Variants in DGKD observed in about 807,000 individuals in gnomAD.
The protein encoded by DGKD is DAG kinase delta.
A neutral mutation model predicts 154.4 loss-of-function variants in DGKD; 68 were observed. The observed-to-expected ratio is 0.44, with a 90% CI of 0.36 to 0.54. The LOEUF (loss-of-function observed/expected upper bound fraction) is 0.54, where lower values mean the gene tolerates loss of function less well. Among genes scored for constraint, DGKD ranks in the 20% least tolerant of loss-of-function variants. The probability of loss-of-function intolerance (pLI) is 0.00; values close to 1 mark genes in which losing one functional copy is unlikely to be tolerated. For missense variants in DGKD, 1,343 were observed against 1,593.6 expected (o/e 0.84, Z 2.68); for synonymous variants, 693 against 638.0 (o/e 1.09, Z -1.30).
At chr2:233,444,485 C>T (rs965332175) in intron 10 of DGKD, among the ~76,000 whole-genome samples, 1 of 151,662 alleles carries the variant, frequency 6.6e-6, no homozygotes, top group Admixed American at 6.6e-5. Context: ...CCTCGCTGTC[C>T]TCCTCTTCAC....
chr2:233,426,305 G>A (rs916782154), intron 3 of DGKD, among the ~76,000 whole-genome samples: 1 of 152,028 alleles, frequency 6.6e-6, no homozygotes, highest in Non-Finnish European at 1.5e-5. Context: ...TTTCTTTTGA[G>A]TTATGTGGTT....
Position 233,447,573 on chromosome 2 carries a change from G to A in DGKD, c.1420-514G>A, listed in dbSNP as rs1444493430. 2.0e-5 allele frequency: 20 copies of A among 985,538 alleles called. No homozygotes were observed. The Admixed American group carries it at 2.5e-4, about 12-fold the overall frequency. 61.0% of individuals were successfully genotyped at this position (985,538 alleles called of 1,614,324 possible). A position where few individuals can be genotyped will look rare whatever the true frequency, so the allele number is the denominator to read the frequency against. On this transcript the variant is annotated intron_variant, in intron 12 of 29. Transcript: ENST00000264057. ...TGTGTGGGGGAAGCCCAGAATATTC[G>A]CTGTCTGGCCAGTAGTGAAGTTTGC...
rs376907275 is a variant in DGKD, at chr2:233,457,360, G to T, written c.2580+32G>T. 6 of 1,486,720 alleles carry T rather than the reference G, an allele frequency of 4.0e-6. No homozygotes were observed. The African/African-American group carries it at 6.9e-5, about 17-fold the overall frequency. The allele number at this position is 1,486,720 out of a possible 1,614,324, so 92.1% of individuals were successfully genotyped here. ...ATGGGGTGTGAGCGGGTGGGCCTGA[G>T]CTCAGTGGGGAAGAGCTGTCTGAGA... On this transcript the variant is annotated intron_variant, in intron 21 of 29. Transcript: ENST00000264057. The surrounding 1 kb of genome is among the most constrained non-coding windows in gnomAD (Gnocchi z 5.5).
At chr2:233,397,561 CACCAGAGGGG>C (rs2061448650) in intron 3 of DGKD, among the ~76,000 whole-genome samples, 1 of 147,460 alleles carries the variant, frequency 6.8e-6, no homozygotes, top group Non-Finnish European at 1.5e-5. Context: ...AGTGAGAGGA[CACCAGAGGGG>C]ACCAGAGTGG....
intron 1 of DGKD, among the ~76,000 whole-genome samples, chr2:233,359,562 TC>T (rs1470942364): frequency 1.3e-5 from 2 of 151,748 alleles, no homozygotes; most frequent in Non-Finnish European, 2.9e-5. Flanking sequence ...CTCAGGCTGG[TC>T]TGAGTCTCCA....
chr2:233,436,782 G>T (rs1455790973), intron 7 of DGKD, among the ~76,000 whole-genome samples: 3 of 152,258 alleles, frequency 2.0e-5, no homozygotes, highest in Non-Finnish European at 4.4e-5. Flanking sequence ...GAAAGCTGTA[G>T]AGGCCATTTG....
At position 233,449,512 on chromosome 2, in the gene DGKD, C is replaced by T; in HGVS notation, c.1888+136C>T. ...GCGGCCCTCTCCACCCATGTCCAGG[C>T]ACCAGACCCCCAACGAGTTCGCTTG... On this transcript the variant is annotated intron_variant, in intron 15 of 29. Coordinates refer to ENST00000264057, the MANE Select transcript of DGKD (RefSeq NM_152879.3). The surrounding 1 kb of genome is among the most constrained non-coding windows in gnomAD (Gnocchi z 5.3). 8.0e-7 allele frequency: 1 copy of T among 1,253,430 alleles called. No individual in the cohort carries two copies. Among genetic ancestry groups the T allele is most frequent in the Non-Finnish European group, 1.1e-6 (1 of 929,828 alleles). 77.6% of individuals were successfully genotyped at this position (1,253,430 alleles called of 1,614,324 possible).
At chr2:233,451,570 C>CT (rs201064758) in intron 17 of DGKD, among the ~76,000 whole-genome samples, 2,109 of 141,662 alleles carry the variant, frequency 0.015, 37 homozygotes, top group East Asian at 0.056. Flanking sequence ...CTCTATAAGC[C>CT]TTTTTTTTTT....
Position 233,441,423 on chromosome 2 carries a change from A to C in DGKD, c.1086-464A>C, listed in dbSNP as rs1044310118. ...TGGCCCAGGGCCGGGGAGTGCCAAG[A>C]CTGAGGGTGCAGGGTGATGCAGGCA... On this transcript the variant is annotated intron_variant, in intron 9 of 29. Coordinates refer to ENST00000264057, the MANE Select transcript of DGKD (RefSeq NM_152879.3). The surrounding 1 kb of genome is among the most constrained non-coding windows in gnomAD (Gnocchi z 5.6). Among the ~76,000 whole-genome samples the C allele has an allele frequency of 6.6e-6, 1 of 152,088 alleles. No individual in the cohort carries two copies. The highest frequency in any genetic ancestry group is 2.4e-5 in the African/African-American group (1 of 41,420).
At chr2:233,451,876 T>C (rs2063306354) in intron 17 of DGKD, 88 bp from the exon 18 acceptor site, 6 of 1,088,560 alleles carry the variant, frequency 5.5e-6, no homozygotes, top group South Asian at 4.0e-5. Flanking sequence ...TTCTGCAGAA[T>C]ACCGGTCCAC....
chr2:233,438,648 T>G lies in DGKD; in HGVS notation c.1085+269T>G, dbSNP rs920128744. Among the ~76,000 whole-genome samples the G allele has an allele frequency of 6.6e-6, 1 of 152,216 alleles. No homozygotes were observed. The highest frequency in any genetic ancestry group is 1.5e-5 in the Non-Finnish European group (1 of 68,028). ...CGTGCATCTTTTGAGCCAATCAGGA[T>G]TCTTCTTTACCTGCCGTTGCACAAA... On this transcript the variant is annotated intron_variant, in intron 9 of 29. Coordinates refer to ENST00000264057, the MANE Select transcript of DGKD (RefSeq NM_152879.3). The surrounding 1 kb of genome is among the most constrained non-coding windows in gnomAD (Gnocchi z 4.1).
At chr2:233,385,698 C>T (rs1424874759) in intron 1 of DGKD, among the ~76,000 whole-genome samples, 3 of 152,194 alleles carry the variant, frequency 2.0e-5, no homozygotes, top group East Asian at 3.9e-4. Flanking sequence ...GTGCAAAATA[C>T]AGCACATTAT....
chr2:233,405,501 A>G (rs552546440), intron 3 of DGKD, among the ~76,000 whole-genome samples: 29 of 152,000 alleles, frequency 1.9e-4, no homozygotes, highest in South Asian at 6.2e-4. Flanking sequence ...CTGGGCAACA[A>G]GAGTGAAACT....
rs550286219 is a variant in DGKD, at chr2:233,450,193, G to A, written c.2038+62G>A. The A allele has an allele frequency of 2.7e-5, 41 of 1,502,960 alleles. No individual in the cohort carries two copies. In the African/African-American group the frequency reaches 4.1e-4, roughly 15 times the overall value. 93.1% of individuals were successfully genotyped at this position (1,502,960 alleles called of 1,614,324 possible). A position where few individuals can be genotyped will look rare whatever the true frequency, so the allele number is the denominator to read the frequency against. ...GTGCTTGGTTTTGGTGAGACGTAGC[G>A]GGCTTGCCAGGGGAGGTTTTAGGGC... On this transcript the variant is annotated intron_variant, in intron 16 of 29. Transcript: ENST00000264057.
At position 233,438,586 on chromosome 2, in the gene DGKD, A is replaced by G. The variant is rs1417016131; in HGVS notation, c.1085+207A>G. ...AACTTTGAACACAGTGCGCGTGTGC[A>G]CACACGTACATACATCCATGTACAC... is the stretch of plus-strand genomic sequence containing the variant. On this transcript the variant is annotated intron_variant, in intron 9 of 29. Transcript: ENST00000264057. The surrounding 1 kb of genome is among the most constrained non-coding windows in gnomAD (Gnocchi z 4.1). Among the ~76,000 whole-genome samples the G allele has an allele frequency of 2.0e-5, 3 of 152,202 alleles. No individual in the cohort carries two copies. The highest frequency in any genetic ancestry group is 1.3e-4 in the Admixed American group (2 of 15,282).
At chr2:233,370,570 CTTTTTT>C (rs56301429) in intron 1 of DGKD, among the ~76,000 whole-genome samples, 3 of 123,344 alleles carry the variant, frequency 2.4e-5, no homozygotes, top group Non-Finnish European at 5.1e-5. Context: ...AGAACTTCTT[CTTTTTT>C]TTTTTTTTTT....
intron 3 of DGKD, among the ~76,000 whole-genome samples, chr2:233,401,399 G>A (rs1037258333): frequency 2.0e-5 from 3 of 152,060 alleles, no homozygotes; most frequent in Admixed American, 2.0e-4. Context: ...TGTACTTAAC[G>A]TTTCATACTT....
intron 3 of DGKD, among the ~76,000 whole-genome samples, chr2:233,401,556 C>T (rs2061558116): frequency 1.3e-5 from 2 of 152,082 alleles, no homozygotes; most frequent in Non-Finnish European, 2.9e-5. Context: ...AGAGGAAAGA[C>T]AAGTTTTACT....
intron 3 of DGKD, among the ~76,000 whole-genome samples, chr2:233,400,081 C>T (rs1190887107): frequency 6.6e-6 from 1 of 152,220 alleles, no homozygotes; most frequent in African/African-American, 2.4e-5. Flanking sequence ...GTTTCTTCTC[C>T]TCACTGAGAG....
Sources: allele counts gnomAD v4.1 joint callset (sites outside exome capture counted in the v4.1 genomes callset), GRCh38; gene constraint gnomAD v4.1.1; non-coding constraint Gnocchi (gnomAD v3.1); transcripts MANE v1.5; gene names NCBI Gene and HGNC (gene_info 2026-07-23, HGNC 2026-07-21).